LRCH2: variants seen among roughly 807,000 people sequenced by gnomAD.
LRCH2 encodes leucine rich repeats and calponin homology domain containing 2, also known as leucine-rich repeat and calponin homology domain-containing protein 2.
In LRCH2, 38 loss-of-function variants were observed where a neutral mutation model predicts 68.9. The observed-to-expected ratio is 0.55, with a 90% CI of 0.43 to 0.72. The LOEUF (loss-of-function observed/expected upper bound fraction) is 0.72, where lower values mean the gene tolerates loss of function less well. LRCH2 is among the 30% of genes least tolerant of loss of function. LRCH2 has a pLI of 0.00. For synonymous variants in LRCH2, 191 were observed against 208.1 expected, an observed-to-expected ratio of 0.92 and a Z score of 0.71; for missense variants, 528 against 572.9, an observed-to-expected ratio of 0.92 and a Z score of 0.80.
chrX:115,175,034 T>C (rs986542120), intron 5 of LRCH2, among the ~76,000 whole-genome samples: 4 of 111,639 alleles, frequency 3.6e-5, no homozygotes, highest in African/African-American at 1.3e-4. Context: ...ATGTAACCAA[T>C]TGTGCCTCCA....
At chrX:115,118,636 G>C (rs782037519) in intron 20 of LRCH2, among the ~76,000 whole-genome samples, 1 of 111,101 alleles carries the variant, frequency 9.0e-6, no homozygotes, top group Non-Finnish European at 1.9e-5. Context: ...CCAATCAATA[G>C]AAAAAGAGGG....
intron 1 of LRCH2, among the ~76,000 whole-genome samples, chrX:115,210,202 G>C: frequency 8.9e-6 from 1 of 111,773 alleles, no homozygotes; most frequent in East Asian, 2.8e-4. Context: ...CATGTCAGAG[G>C]TCTTCACAGC....
rs1556537740 is a variant in LRCH2, at chrX:115,149,844, T to C, written c.1678A>G (p.Arg560Gly). 8.5e-7 allele frequency: 1 copy of C among 1,180,396 alleles called. No individual in the cohort carries two copies. Among genetic ancestry groups the C allele is most frequent in the South Asian group, 1.8e-5 (1 of 54,542 alleles). ...TAGAGTACCTTGAAATATTCTTTTC[T>C]AATCTGTTTGCTCCGCCTCCTTTCT... ...SEERRRSKQIRKEYFKYKSMR... is the reference protein window; with the variant it reads ...SEERRRSKQIGKEYFKYKSMR... The change falls in exon 14 of 21, where the codon AGA becomes GGA. Residue 560 changes from arginine to glycine, a missense_variant. Physicochemically the swap from Arg to Gly is moderately radical, Grantham distance 125. Transcript: ENST00000317135.
At chrX:115,127,241 T>C (rs1390578968) in intron 15 of LRCH2, among the ~76,000 whole-genome samples, 2 of 112,003 alleles carry the variant, frequency 1.8e-5, no homozygotes, top group African/African-American at 6.5e-5. Context: ...AATGAAGGCA[T>C]GCAAAATCTC....
chrX:115,227,640 G>A (rs782042821), intron 1 of LRCH2, among the ~76,000 whole-genome samples: 1 of 106,863 alleles, frequency 9.4e-6, no homozygotes, highest in African/African-American at 3.4e-5. Flanking sequence ...AAGGATTTAC[G>A]TATTGCAATT....
At chrX:115,118,473 A>G (rs1436753804) in intron 20 of LRCH2, among the ~76,000 whole-genome samples, 1 of 108,805 alleles carries the variant, frequency 9.2e-6, no homozygotes, top group Non-Finnish European at 1.9e-5. Flanking sequence ...ACCAGGAAGA[A>G]GTTGAATCTC....
chrX:115,227,092 C>G (rs2073123943), intron 1 of LRCH2, among the ~76,000 whole-genome samples: 1 of 110,707 alleles, frequency 9.0e-6, no homozygotes, highest in Non-Finnish European at 1.9e-5. Context: ...TGCCTCTACC[C>G]ACTAGATGTC....
chrX:115,195,708 G>A (rs1221503560), intron 1 of LRCH2, among the ~76,000 whole-genome samples: 5 of 111,454 alleles, frequency 4.5e-5, no homozygotes, highest in Admixed American at 9.6e-5. Context: ...GGTCAAGACC[G>A]GCTGGGAACT....
chrX:115,162,305 C>T (rs2072526309), intron 11 of LRCH2, among the ~76,000 whole-genome samples: 2 of 111,583 alleles, frequency 1.8e-5, no homozygotes, highest in Non-Finnish European at 3.8e-5. Flanking sequence ...GAGACAGAAA[C>T]TTTTTAAGCT....
intron 14 of LRCH2, among the ~76,000 whole-genome samples, chrX:115,142,320 CA>C (rs1197346522): frequency 2.7e-5 from 3 of 112,051 alleles, no homozygotes; most frequent in African/African-American, 6.5e-5. Context: ...ATGGACCCAA[CA>C]GATATTTACT....
intron 20 of LRCH2, among the ~76,000 whole-genome samples, chrX:115,120,451 C>A (rs1455885674): frequency 1.2e-5 from 1 of 85,143 alleles, no homozygotes; most frequent in South Asian, 6.8e-4. Context: ...CAGAGAAATG[C>A]AAATCAAAAC....
intron 1 of LRCH2, among the ~76,000 whole-genome samples, chrX:115,210,775 G>A (rs1031539089): frequency 4.5e-5 from 5 of 111,754 alleles, no homozygotes; most frequent in African/African-American, 1.3e-4. Context: ...CCACAAAGGC[G>A]GAGCTGCTCA....
At chrX:115,133,249 GAGCTACTGAA>G (rs2072261291) in intron 14 of LRCH2, among the ~76,000 whole-genome samples, 2 of 112,061 alleles carry the variant, frequency 1.8e-5, no homozygotes, top group African/African-American at 3.2e-5. Context: ...AAAGAATCAA[GAGCTACTGAA>G]AATGAAGACC....
At chrX:115,191,099 A>G in intron 1 of LRCH2, 2 of 1,164,478 alleles carry the variant, frequency 1.7e-6, no homozygotes, top group Non-Finnish European at 2.3e-6. Context: ...GAAGGCCGCT[A>G]TGAGTACCGA....
intron 1 of LRCH2, among the ~76,000 whole-genome samples, chrX:115,202,369 G>C (rs1479458139): frequency 9.0e-6 from 1 of 111,704 alleles, no homozygotes; most frequent in Non-Finnish European, 1.9e-5. Context: ...TGGAGACTCA[G>C]AAGGGTGAGA....
intron 1 of LRCH2, among the ~76,000 whole-genome samples, chrX:115,227,854 G>A (rs782185990): frequency 6.3e-5 from 7 of 110,498 alleles, no homozygotes; most frequent in African/African-American, 2.3e-4. Context: ...ATATTCTACT[G>A]AGACAAGTAA....
intron 17 of LRCH2, 110 bp downstream of exon 17, chrX:115,123,835 A>G (rs2072163434): frequency 4.7e-6 from 2 of 424,853 alleles, no homozygotes; most frequent in African/African-American, 2.6e-5. Flanking sequence ...TGCTTTTAGG[A>G]GAGGGGAAAG....
At chrX:115,148,914 C>A (rs1434228991) in intron 14 of LRCH2, among the ~76,000 whole-genome samples, 1 of 111,504 alleles carries the variant, frequency 9.0e-6, no homozygotes, top group Non-Finnish European at 1.9e-5. Context: ...ATGTTACACA[C>A]CCATATATAG....
chrX:115,163,926 G>T lies in LRCH2; in HGVS notation c.1356-143C>A, dbSNP rs1017866406. On this transcript the variant is annotated intron_variant, in intron 10 of 20. Transcript: ENST00000317135. Reference sequence around the variant, plus strand: ...TCCTTCTTTTAAAATGCTAAAATAAGAAATAAGGAAAACTTCTGTGTTCTC... The same window carrying T: ...TCCTTCTTTTAAAATGCTAAAATAATAAATAAGGAAAACTTCTGTGTTCTC... The T allele has an allele frequency of 8.4e-4, 348 of 413,557 alleles. 3 individuals are homozygous for T. The highest frequency in any genetic ancestry group is 1.5e-4 in the Non-Finnish European group (35 of 238,592). The allele number at this position is 413,557 out of a possible 1,213,427, so 34.1% of individuals were successfully genotyped here.
Sources: allele counts gnomAD v4.1 joint callset (sites outside exome capture counted in the v4.1 genomes callset), GRCh38; gene constraint gnomAD v4.1.1; transcripts MANE v1.5; gene names NCBI Gene and HGNC (gene_info 2026-07-23, HGNC 2026-07-21).